ENAH: variants seen among roughly 807,000 people sequenced by gnomAD.
ENAH encodes the protein protein enabled homolog.
A neutral mutation model predicts 78.7 loss-of-function variants in ENAH; 23 were observed. That is an observed-to-expected ratio of 0.29 (90% confidence interval 0.21 to 0.41). The LOEUF is 0.41. ENAH is among the 10% of genes least tolerant of loss of function. The pLI is 1.00. For synonymous variants in ENAH, 226 were observed against 241.0 expected (o/e 0.94, Z 0.58); for missense variants, 544 against 691.0 (o/e 0.79, Z 2.39).
intron 1 of ENAH, among the ~76,000 whole-genome samples, chr1:225,614,879 A>G (rs754919458): frequency 3.9e-5 from 6 of 152,210 alleles, no homozygotes; most frequent in Non-Finnish European, 8.8e-5. Context: ...TTCCGATTCC[A>G]TAAGGTAAGT....
At chr1:225,524,504 TTCAC>T (rs1436840906) in intron 4 of ENAH, 8 of 588,330 alleles carry the variant, frequency 1.4e-5, no homozygotes, top group African/African-American at 2.0e-5. Context: ...AGCATTTCAC[TTCAC>T]TATCAGTAAA....
chr1:225,500,926 T>C (rs1009881689), intron 12 of ENAH, 66 bp downstream of exon 12: 11 of 1,378,954 alleles, frequency 8.0e-6, no homozygotes, highest in South Asian at 2.4e-5. Flanking sequence ...GTCAAAGATA[T>C]GCATATGGGA....
chr1:225,497,646 C>G lies in ENAH; in HGVS notation c.*129G>C. 2.3e-6 allele frequency: 2 copies of G among 860,524 alleles called. No individual in the cohort carries two copies. Among genetic ancestry groups the G allele is most frequent in the Non-Finnish European group, 1.7e-6 (1 of 579,490 alleles). The allele number at this position is 860,524 out of a possible 1,614,324, so 53.3% of individuals were successfully genotyped here. On this transcript the variant is annotated 3_prime_UTR_variant, in exon 14 of 14. Coordinates refer to ENST00000366843, the MANE Select transcript of ENAH (RefSeq NM_018212.6). ...AGGCTTTCAGAGTAGGTTGGTTTTT[C>G]CCTCCTTCTGTTTGTCTCCATTTTC...
chr1:225,571,863 C>A (rs1558836161), intron 1 of ENAH, among the ~76,000 whole-genome samples: 1 of 152,090 alleles, frequency 6.6e-6, no homozygotes. Context: ...AAGACTCAAC[C>A]CCCGCACCCT....
intron 1 of ENAH, among the ~76,000 whole-genome samples, chr1:225,570,726 G>A (rs1168446189): frequency 6.6e-6 from 1 of 151,952 alleles, no homozygotes; most frequent in African/African-American, 2.4e-5. Flanking sequence ...GGGAGGCCGA[G>A]GCGGGCAGAT....
At chr1:225,571,055 C>T (rs1367516965) in intron 1 of ENAH, among the ~76,000 whole-genome samples, 1 of 151,676 alleles carries the variant, frequency 6.6e-6, no homozygotes, top group Non-Finnish European at 1.5e-5. Context: ...CAACAGTAAA[C>T]TATTATTAGT....
intron 12 of ENAH, among the ~76,000 whole-genome samples, chr1:225,499,181 T>C (rs1306068409): frequency 6.6e-6 from 1 of 152,222 alleles, no homozygotes; most frequent in African/African-American, 2.4e-5. Flanking sequence ...GTCCTTTTGT[T>C]TTGTATTTTT....
At chr1:225,620,109 T>C (rs1003772677) in intron 1 of ENAH, among the ~76,000 whole-genome samples, 5 of 151,944 alleles carry the variant, frequency 3.3e-5, no homozygotes, top group African/African-American at 1.2e-4. Context: ...CAGAAAGATA[T>C]GTGCTAAGCT....
At chr1:225,643,258 T>C (rs1240777810) in intron 1 of ENAH, among the ~76,000 whole-genome samples, 2 of 152,038 alleles carry the variant, frequency 1.3e-5, no homozygotes, top group East Asian at 1.9e-4. Context: ...GGGACATGAA[T>C]GGAAATGAGG....
At chr1:225,562,236 T>C (rs2096709912) in intron 2 of ENAH, among the ~76,000 whole-genome samples, 2 of 151,816 alleles carry the variant, frequency 1.3e-5, no homozygotes, top group African/African-American at 2.4e-5. Flanking sequence ...TCCCATTCTT[T>C]ACTGCATCTT....
intron 7 of ENAH, among the ~76,000 whole-genome samples, chr1:225,513,944 G>A (rs774250215): frequency 1.3e-5 from 2 of 151,842 alleles, no homozygotes; most frequent in African/African-American, 4.8e-5. Flanking sequence ...AGCTGAGATC[G>A]CGCCATGGCA....
At chr1:225,513,786 T>C (rs1484196072) in intron 7 of ENAH, among the ~76,000 whole-genome samples, 2 of 151,780 alleles carry the variant, frequency 1.3e-5, no homozygotes, top group Non-Finnish European at 2.9e-5. Context: ...GAGGTCAGGA[T>C]TTCAAGACCA....
At chr1:225,627,619 C>T (rs1221989312) in intron 1 of ENAH, among the ~76,000 whole-genome samples, 3 of 152,168 alleles carry the variant, frequency 2.0e-5, no homozygotes, top group Admixed American at 6.5e-5. Flanking sequence ...CCTGACCCTC[C>T]TTCTATTCAG....
intron 1 of ENAH, among the ~76,000 whole-genome samples, chr1:225,617,101 T>C (rs116033540): frequency 7.1e-6 from 1 of 140,298 alleles, no homozygotes; most frequent in East Asian, 2.0e-4. Flanking sequence ...TCCATCTCAA[T>C]TAAAAAAAAA....
At position 225,538,490 on chromosome 1, in the gene ENAH, C is replaced by G. The variant is rs541927064; in HGVS notation, c.350-7852G>C. ...ATGTGATAAAAAAACTTTTCTATAT[C>G]TCAGGAAATGGAGCATCGTGCATAT... On this transcript the variant is annotated intron_variant, in intron 3 of 13. Transcript: ENST00000366843. Among the ~76,000 whole-genome samples the G allele has an allele frequency of 1.2e-4, 18 of 151,886 alleles. No homozygotes were observed. In the South Asian group the frequency reaches 3.1e-3, roughly 26 times the overall value.
intron 1 of ENAH, among the ~76,000 whole-genome samples, chr1:225,641,802 C>T (rs956442499): frequency 2.0e-5 from 3 of 152,112 alleles, no homozygotes; most frequent in Non-Finnish European, 4.4e-5. Context: ...AGGCAGATCA[C>T]CTGAGGTCAG....
In ENAH at chr1:225,493,986, T is replaced by C. The variant is rs544737050; in HGVS notation, c.*3789A>G. On this transcript the variant is annotated 3_prime_UTR_variant, in exon 14 of 14. Transcript: ENST00000366843. The stretch of plus-strand genomic sequence containing the variant: ...TCATGTTACTTAACTCATTTTTGAA[T>C]GACAAGTGACTTTTAATTTGTAGAC... 1 of 137,838 alleles carries C rather than the reference T, an allele frequency of 7.3e-6. No homozygotes were observed. Among genetic ancestry groups the C allele is most frequent in the South Asian group, 2.3e-4 (1 of 4,416 alleles). 8.5% of individuals were successfully genotyped at this position (137,838 alleles called of 1,614,324 possible).
In ENAH at chr1:225,569,027, T is replaced by G. The variant is rs534234884; in HGVS notation, c.6-1613A>C. Among the ~76,000 whole-genome samples, 6 of 152,328 alleles carry G rather than the reference T, an allele frequency of 3.9e-5. No individual in the cohort carries two copies. In the South Asian group the frequency reaches 1.2e-3, roughly 32 times the overall value. ...CCAATGACTAAAACTTGAATTAGTT[T>G]TAAAAGATAGATTAAAGGGCATGTG... is the stretch of plus-strand genomic sequence containing the variant. On this transcript the variant is annotated intron_variant, in intron 1 of 13. Transcript: ENST00000366843.
chr1:225,524,775 T>TAA, intron 4 of ENAH: 1 of 518,612 alleles, frequency 1.9e-6, no homozygotes, highest in Non-Finnish European at 2.5e-6. Flanking sequence ...ATATTAACTA[T>TAA]ATTAAGGTTC....
Sources: allele counts gnomAD v4.1 joint callset (sites outside exome capture counted in the v4.1 genomes callset), GRCh38; gene constraint gnomAD v4.1.1; transcripts MANE v1.5; gene names NCBI Gene and HGNC (gene_info 2026-07-23, HGNC 2026-07-21).